NRG3: variants seen among roughly 807,000 people sequenced by gnomAD.
NRG3 encodes pro-neuregulin-3, membrane-bound isoform.
Under a neutral mutation model 66.9 loss-of-function variants are expected in NRG3, and 31 were observed. That is an observed-to-expected ratio of 0.46 (90% CI 0.35 to 0.63). NRG3 has a LOEUF of 0.63. NRG3 is among the 20% of genes least tolerant of loss of function. The pLI is 0.00. For synonymous variants in NRG3, 393 were observed against 359.4 expected (o/e 1.09, Z -1.06); for missense variants, 910 against 878.9 (o/e 1.04, Z -0.45).
intron 3 of NRG3, among the ~76,000 whole-genome samples, chr10:82,741,044 G>A (rs1326577912): frequency 1.3e-5 from 2 of 152,084 alleles, no homozygotes; most frequent in Non-Finnish European, 2.9e-5. Flanking sequence ...CATTATGTGA[G>A]TCAAAATGCC....
chr10:82,367,905 G>T (rs1188748513), intron 2 of NRG3, among the ~76,000 whole-genome samples: 4 of 152,138 alleles, frequency 2.6e-5, no homozygotes, highest in African/African-American at 4.8e-5. Context: ...TGAGGCACAA[G>T]AGTCACTTGA....
At chr10:81,924,322 T>C (rs973155401) in intron 1 of NRG3, among the ~76,000 whole-genome samples, 14 of 152,244 alleles carry the variant, frequency 9.2e-5, no homozygotes, top group African/African-American at 3.4e-4. Context: ...CAAATCACTT[T>C]ATCATCATTT....
intron 3 of NRG3, among the ~76,000 whole-genome samples, chr10:82,803,982 CA>C (rs1181071492): frequency 6.6e-6 from 1 of 152,126 alleles, no homozygotes; most frequent in African/African-American, 2.4e-5. Flanking sequence ...GATGAAATTT[CA>C]CACCATTATG....
At chr10:82,893,618 T>C (rs1250567930) in intron 4 of NRG3, among the ~76,000 whole-genome samples, 1 of 151,682 alleles carries the variant, frequency 6.6e-6, no homozygotes, top group Non-Finnish European at 1.5e-5. Flanking sequence ...AACCAGGGAG[T>C]AGGAGGTTGC....
chr10:82,937,199 A>G (rs567031995), intron 4 of NRG3, among the ~76,000 whole-genome samples: 1 of 152,332 alleles, frequency 6.6e-6, no homozygotes, highest in East Asian at 1.9e-4. Flanking sequence ...ATGATATATT[A>G]AAATAATGGT....
chr10:82,161,423 A>T (rs2071590016), intron 1 of NRG3, among the ~76,000 whole-genome samples: 1 of 152,110 alleles, frequency 6.6e-6, no homozygotes, highest in Non-Finnish European at 1.5e-5. Flanking sequence ...CTATGGGGCA[A>T]GTGGTCCATT....
intron 3 of NRG3, among the ~76,000 whole-genome samples, chr10:82,744,271 T>A (rs1014800557): frequency 2.6e-5 from 4 of 152,214 alleles, no homozygotes; most frequent in Non-Finnish European, 4.4e-5. Context: ...TGGGATGCTA[T>A]GAAAAAATAC....
intron 1 of NRG3, among the ~76,000 whole-genome samples, chr10:81,971,262 T>G (rs2059923972): frequency 6.6e-6 from 1 of 152,208 alleles, no homozygotes; most frequent in Non-Finnish European, 1.5e-5. Context: ...GATTTGATAC[T>G]TCTCTCTGTT....
chr10:82,403,118 A>G (rs1416540165), intron 2 of NRG3, among the ~76,000 whole-genome samples: 1 of 152,162 alleles, frequency 6.6e-6, no homozygotes, highest in Non-Finnish European at 1.5e-5. Context: ...GTGAAGACAC[A>G]AGGAAGCCTT....
intron 2 of NRG3, among the ~76,000 whole-genome samples, chr10:82,551,995 G>A (rs866215891): frequency 3.3e-5 from 5 of 151,598 alleles, no homozygotes; most frequent in African/African-American, 1.2e-4. Context: ...GGGCCCATTC[G>A]AACTGTAGTT....
At chr10:82,353,237 A>G (rs2083546026) in intron 1 of NRG3, among the ~76,000 whole-genome samples, 1 of 152,172 alleles carries the variant, frequency 6.6e-6, no homozygotes, top group Non-Finnish European at 1.5e-5. Flanking sequence ...AAGAGGGGAA[A>G]GATAAGCACA....
chr10:82,783,703 A>G (rs1270612323), intron 3 of NRG3, among the ~76,000 whole-genome samples: 1 of 152,194 alleles, frequency 6.6e-6, no homozygotes, highest in Non-Finnish European at 1.5e-5. Context: ...CAATGAAGTA[A>G]AAGAGGATAC....
At chr10:82,501,311 A>G (rs2132344137) in intron 2 of NRG3, among the ~76,000 whole-genome samples, 1 of 152,302 alleles carries the variant, frequency 6.6e-6, no homozygotes, top group African/African-American at 2.4e-5. Context: ...GCTTCTGCCT[A>G]TGTCCTCCCT....
intron 4 of NRG3, among the ~76,000 whole-genome samples, chr10:82,910,223 A>G (rs1845192464): frequency 6.6e-6 from 1 of 152,238 alleles, no homozygotes; most frequent in African/African-American, 2.4e-5. Flanking sequence ...CATGAAGCAG[A>G]AGAGAAATTC....
intron 2 of NRG3, among the ~76,000 whole-genome samples, chr10:82,437,182 T>C (rs1446058061): frequency 6.6e-6 from 1 of 152,102 alleles, no homozygotes; most frequent in Admixed American, 6.5e-5. Flanking sequence ...CAATCAATCA[T>C]AGGTTTGGTC....
chr10:82,676,611 G>A (rs1201369622), intron 2 of NRG3, among the ~76,000 whole-genome samples: 1 of 151,984 alleles, frequency 6.6e-6, no homozygotes, highest in Non-Finnish European at 1.5e-5. Flanking sequence ...AGCCTCCCGA[G>A]TAGCTGGGAT....
intron 2 of NRG3, among the ~76,000 whole-genome samples, chr10:82,425,234 T>A (rs1271740311): frequency 6.6e-6 from 1 of 152,156 alleles, no homozygotes; most frequent in Non-Finnish European, 1.5e-5. Context: ...ACTTGGGGAC[T>A]ATAGATATTA....
chr10:82,707,115 A>G (rs953737606), intron 2 of NRG3, among the ~76,000 whole-genome samples: 7 of 150,740 alleles, frequency 4.6e-5, no homozygotes, highest in Non-Finnish European at 1.0e-4. Flanking sequence ...CAATTTCATC[A>G]TATAATTATT....
intron 3 of NRG3, among the ~76,000 whole-genome samples, chr10:82,812,869 A>C (rs759739743): frequency 2.0e-5 from 3 of 152,226 alleles, no homozygotes; most frequent in Admixed American, 1.3e-4. Context: ...ATTTCAAAGA[A>C]GATAACCAGA....
Sources: gnomAD v4.1 joint callset for allele counts (sites outside exome capture counted in the v4.1 genomes callset) on GRCh38, gnomAD v4.1.1 for gene constraint, MANE v1.5 for transcripts, NCBI Gene and HGNC (gene_info 2026-07-23, HGNC 2026-07-21) for gene names.